CEP112: variants seen among roughly 807,000 people sequenced by gnomAD.
CEP112 encodes the protein centrosomal protein 112, also known as centrosomal protein of 112 kDa.
In CEP112, 127 loss-of-function variants were observed where a neutral mutation model predicts 153.0. The observed-to-expected ratio is 0.83, with a 90% CI of 0.72 to 0.96. The LOEUF (loss-of-function observed/expected upper bound fraction) is 0.96. Ranked by LOEUF, CEP112 falls within the 40% of genes least tolerant of loss-of-function variation. The pLI, the probability that CEP112 is intolerant of heterozygous loss-of-function variation, is 0.00. For synonymous variants in CEP112, 358 were observed against 374.4 expected (o/e 0.96, Z 0.51); for missense variants, 1,089 against 1,101.2 (o/e 0.99, Z 0.16).
rs1265253218 is a variant in CEP112, at chr17:65,660,458, CTCTCCTTCCTTCCT to C, written c.2698-19407_2698-19394del. ...CTTTCTTTCTCTCTCTCTCTTCTCT[CTCTCCTTCCTTCCT>C]TCCTTCCTTCCTTCCTTCCTTCCTT... is the stretch of plus-strand genomic sequence containing the variant. On this transcript the variant is annotated intron_variant, in intron 24 of 26. Transcript: ENST00000535342. Among the ~76,000 whole-genome samples the C allele has an allele frequency of 5.5e-5, 3 of 54,932 alleles. No individual in the cohort carries two copies. The East Asian group carries it at 2.5e-3, about 46-fold the overall frequency. The allele number at this position is 54,932 out of a possible 152,430, so 36.0% of individuals were successfully genotyped here.
chr17:66,166,190 T>A (rs2071948718), intron 4 of CEP112, among the ~76,000 whole-genome samples: 1 of 152,118 alleles, frequency 6.6e-6, no homozygotes, highest in Non-Finnish European at 1.5e-5. Context: ...TGGTGTAGGC[T>A]CCTAATAAAA....
At chr17:65,980,591 T>C (rs1359279804) in intron 17 of CEP112, among the ~76,000 whole-genome samples, 1 of 152,204 alleles carries the variant, frequency 6.6e-6, no homozygotes, top group African/African-American at 2.4e-5. Context: ...TTTCTGTCCC[T>C]TCCTTCAAAA....
At position 65,944,935 on chromosome 17, in the gene CEP112, T is replaced by C. The variant is rs1234886758; in HGVS notation, c.1872+16528A>G. Among the ~76,000 whole-genome samples, 5 of 152,268 alleles carry C rather than the reference T, an allele frequency of 3.3e-5. No homozygotes were observed. The South Asian group carries it at 1.0e-3, about 32-fold the overall frequency. On this transcript the variant is annotated intron_variant, in intron 18 of 26. Transcript: ENST00000535342. ...TCCTTTTGGACAAGTATTAACATTC[T>C]AAAAAACATTTTATTGAAATATAAT...
intron 1 of CEP112, among the ~76,000 whole-genome samples, chr17:66,190,099 G>T (rs748146434): frequency 1.3e-5 from 2 of 151,986 alleles, no homozygotes; most frequent in African/African-American, 2.4e-5. Context: ...GGAGGCCGAG[G>T]CGGGAGGGTC....
intron 12 of CEP112, among the ~76,000 whole-genome samples, chr17:66,040,381 TATTGA>T (rs1417344344): frequency 6.6e-6 from 1 of 152,170 alleles, no homozygotes; most frequent in Non-Finnish European, 1.5e-5. Flanking sequence ...TGCTCTTTTT[TATTGA>T]ATTGTTTTTC....
chr17:65,868,630 A>G (rs1360643915), intron 20 of CEP112, among the ~76,000 whole-genome samples: 1 of 152,214 alleles, frequency 6.6e-6, no homozygotes, highest in Non-Finnish European at 1.5e-5. Flanking sequence ...AACAGAATAT[A>G]TTAGGAAAAT....
chr17:66,017,836 C>T (rs967004082), intron 16 of CEP112, among the ~76,000 whole-genome samples: 1 of 152,030 alleles, frequency 6.6e-6, no homozygotes, highest in African/African-American at 2.4e-5. Context: ...CCCGTCTCTA[C>T]TAAAAATAGA....
intron 4 of CEP112, among the ~76,000 whole-genome samples, chr17:66,157,155 G>A (rs1178474271): frequency 6.6e-6 from 1 of 152,204 alleles, no homozygotes; most frequent in Admixed American, 6.5e-5. Flanking sequence ...ACAAAGGGAA[G>A]CCCATCAGAC....
intron 23 of CEP112, among the ~76,000 whole-genome samples, chr17:65,741,864 C>T (rs149910428): frequency 0.011 from 1,708 of 150,754 alleles, 16 homozygotes; most frequent in Non-Finnish European, 0.019. Context: ...ACTTCCTGTG[C>T]ATTTGTAAAT....
chr17:65,733,343 T>C (rs957861979), intron 23 of CEP112, among the ~76,000 whole-genome samples: 2 of 152,090 alleles, frequency 1.3e-5, no homozygotes, highest in African/African-American at 4.8e-5. Context: ...CCATAACAGA[T>C]ATAATAATGA....
Position 66,156,693 on chromosome 17 carries a change from C to G in CEP112, c.470+18351G>C, listed in dbSNP as rs1360658861. 2.6e-5 allele frequency among the ~76,000 whole-genome samples: 4 copies of G among 152,048 alleles called. No individual in the cohort carries two copies. In the East Asian group the frequency reaches 7.7e-4, roughly 29 times the overall value. ...CAGTTTAGAGAAGAACATAAATGAC[C>G]TGATGGAGCTGAAAAACGCAGCACG... is the stretch of plus-strand genomic sequence containing the variant. On this transcript the variant is annotated intron_variant, in intron 4 of 26. Transcript: ENST00000535342.
At chr17:66,162,146 AT>A (rs1428788598) in intron 4 of CEP112, among the ~76,000 whole-genome samples, 2 of 152,100 alleles carry the variant, frequency 1.3e-5, no homozygotes, top group East Asian at 1.9e-4. Flanking sequence ...CAGACAAACC[AT>A]TTTTTCCATA....
In CEP112 at chr17:65,785,879, A is replaced by T. The variant is rs190928397; in HGVS notation, c.2395-35155T>A. Among the ~76,000 whole-genome samples the T allele has an allele frequency of 1.8e-3, 281 of 152,220 alleles. 5 individuals carry two copies. Among genetic ancestry groups the T allele is most frequent in the African/African-American group, 6.2e-3 (258 of 41,538 alleles). ...TAGAGGTTGAGCTTTACTCTTTTGC[A>T]TATGGATATCTAGTTGTCCCAGCAC... is the stretch of plus-strand genomic sequence containing the variant. On this transcript the variant is annotated intron_variant, in intron 21 of 26. Coordinates refer to ENST00000535342, the MANE Select transcript of CEP112 (RefSeq NM_001199165.4).
At chr17:65,868,334 T>C (rs976894677) in intron 20 of CEP112, among the ~76,000 whole-genome samples, 3 of 151,978 alleles carry the variant, frequency 2.0e-5, no homozygotes, top group Non-Finnish European at 4.4e-5. Flanking sequence ...ACCCCATCTC[T>C]ACCAAAAATA....
At chr17:65,759,335 G>A (rs973584778) in intron 21 of CEP112, among the ~76,000 whole-genome samples, 2 of 151,832 alleles carry the variant, frequency 1.3e-5, no homozygotes, top group African/African-American at 2.4e-5. Flanking sequence ...TTTACTTTGC[G>A]GACTCAACCC....
chr17:65,685,595 C>T (rs569302187), intron 24 of CEP112, among the ~76,000 whole-genome samples: 4 of 151,468 alleles, frequency 2.6e-5, no homozygotes, highest in African/African-American at 9.7e-5. Context: ...ATGTAACAAT[C>T]TCAACATTTT....
chr17:65,677,456 C>T (rs1338786146), intron 24 of CEP112, among the ~76,000 whole-genome samples: 6 of 152,170 alleles, frequency 3.9e-5, no homozygotes, highest in Non-Finnish European at 8.8e-5. Flanking sequence ...ATTTTTTCTA[C>T]TGGAACTATG....
chr17:65,690,130 A>C (rs900342499), intron 23 of CEP112, among the ~76,000 whole-genome samples: 1 of 150,782 alleles, frequency 6.6e-6, no homozygotes, highest in African/African-American at 2.4e-5. Flanking sequence ...AAAAAAAAAA[A>C]AAAAAAAACT....
chr17:65,760,768 G>C (rs1248858826), intron 21 of CEP112, among the ~76,000 whole-genome samples: 2 of 152,046 alleles, frequency 1.3e-5, no homozygotes, highest in Non-Finnish European at 2.9e-5. Flanking sequence ...CACAGGATGA[G>C]TTAGGAATTA....
Sources: gnomAD v4.1 joint callset for allele counts (sites outside exome capture counted in the v4.1 genomes callset) on GRCh38, gnomAD v4.1.1 for gene constraint, MANE v1.5 for transcripts, NCBI Gene and HGNC (gene_info 2026-07-23, HGNC 2026-07-21) for gene names.